DNAJC7: variants seen among roughly 807,000 people sequenced by gnomAD.
DNAJC7 encodes DnaJ heat shock protein family (Hsp40) member C7, also known as dnaJ homolog subfamily C member 7.
DNAJC7 carries 18 observed loss-of-function variants against 67.4 expected under a neutral mutation model. The observed-to-expected ratio is 0.27, with a 90% confidence interval of 0.18 to 0.40. The LOEUF is 0.40. DNAJC7 is among the 10% of genes least tolerant of loss of function. DNAJC7 has a pLI of 1.00. For synonymous variants in DNAJC7, 220 were observed against 207.8 expected (o/e 1.06, Z -0.50); for missense variants, 419 against 613.8 (o/e 0.68, Z 3.35).
chr17:41,984,849 CAG>C (rs2051338389), intron 9 of DNAJC7: 1 of 151,264 alleles, frequency 6.6e-6, no homozygotes, highest in African/African-American at 2.4e-5. Flanking sequence ...TTTTTTGACA[CAG>C]AGTCTCACTC....
intron 1 of DNAJC7, among the ~76,000 whole-genome samples, chr17:42,004,836 G>T (rs1019539351): frequency 1.3e-5 from 2 of 152,188 alleles, no homozygotes; most frequent in South Asian, 2.1e-4. Context: ...GAACAGCCTG[G>T]AAAACACAGG....
chr17:42,000,578 T>A lies in DNAJC7; in HGVS notation c.78-8A>T. The A allele has an allele frequency of 6.3e-7, 1 of 1,597,052 alleles. No individual in the cohort carries two copies. Among genetic ancestry groups the A allele is most frequent in the Non-Finnish European group, 8.6e-7 (1 of 1,168,712 alleles). On this transcript the variant is annotated splice_region_variant and splice_polypyrimidine_tract_variant and intron_variant, in intron 1 of 13. Coordinates refer to ENST00000457167, the MANE Select transcript of DNAJC7 (RefSeq NM_003315.4). ...TTGAAAGTCTCTGCTTCCCTGAAAA[T>A]GAAAGAGAAAGAGAATCATGTTACT...
Position 42,008,760 on chromosome 17 carries a change from T to C in DNAJC7, c.78-8190A>G, listed in dbSNP as rs1270460687. ...CTCACTCTTGTTGCCCAGGCTGGAG[T>C]GCAGTGGTGTGATCTCAGTTCACAG... is the stretch of plus-strand genomic sequence containing the variant. On this transcript the variant is annotated intron_variant, in intron 1 of 13. Coordinates refer to ENST00000457167, the MANE Select transcript of DNAJC7 (RefSeq NM_003315.4). Among the ~76,000 whole-genome samples, 2 of 152,028 alleles carry C rather than the reference T, an allele frequency of 1.3e-5. 1 individual carries two copies. The highest frequency in any genetic ancestry group is 4.1e-4 in the South Asian group (2 of 4,826).
chr17:42,013,413 C>T (rs1555651346), intron 1 of DNAJC7: 1 of 152,096 alleles, frequency 6.6e-6, no homozygotes, highest in Non-Finnish European at 1.5e-5. Context: ...CTCATTTTGC[C>T]CCCCTATGGG....
intron 1 of DNAJC7, among the ~76,000 whole-genome samples, chr17:42,010,456 C>T (rs1193968569): frequency 1.3e-5 from 2 of 152,092 alleles, no homozygotes; most frequent in African/African-American, 4.8e-5. Flanking sequence ...TGCGCCATTG[C>T]ACTCCAGCCT....
intron 1 of DNAJC7, chr17:42,016,867 A>C (rs1390305264): frequency 1.2e-6 from 1 of 847,066 alleles, no homozygotes; most frequent in Admixed American, 5.1e-5. Context: ...ATCACTTCGA[A>C]CCCAGACTAG....
At chr17:41,977,409 A>C in intron 12 of DNAJC7, 86 bp from the exon 13 acceptor site, 1 of 1,249,218 alleles carries the variant, frequency 8.0e-7, no homozygotes, top group Non-Finnish European at 1.1e-6. Context: ...CTGAGAACAG[A>C]TCTCCAAAGC....
chr17:41,997,196 G>A lies in DNAJC7; in HGVS notation c.210C>T (p.Ala70=), dbSNP rs1300165025. Residue 70 remains alanine, a synonymous_variant, in exon 3 of 14, where the codon GCC becomes GCT. Coordinates refer to ENST00000457167, the MANE Select transcript of DNAJC7 (RefSeq NM_003315.4). ...KNASYYGNRA[A]TLMMLGRFRE... is the part of the protein sequence containing the mutation. ...GGAACCTTCCAAGCATCATCAAGGT[G>A]GCTGCTCGATTACCATAATAGCTAG... 2 of 1,613,914 alleles carry A rather than the reference G, an allele frequency of 1.2e-6. No individual in the cohort carries two copies. Among genetic ancestry groups the A allele is most frequent in the Non-Finnish European group, 1.7e-6 (2 of 1,179,848 alleles).
chr17:41,983,678 T>C, intron 9 of DNAJC7, 42 bp from the exon 10 acceptor site: 5 of 1,552,338 alleles, frequency 3.2e-6, no homozygotes, highest in Non-Finnish European at 4.4e-6. Context: ...AAGACATAAA[T>C]AGCAGTGGTT....
At chr17:41,996,975 C>T (rs1163959092) in intron 3 of DNAJC7, 140 bp downstream of exon 3, 1 of 1,326,998 alleles carries the variant, frequency 7.5e-7, no homozygotes, top group Non-Finnish European at 1.0e-6. Context: ...CTAAACAACC[C>T]ACAGTGCACA....
chr17:41,987,918 A>G lies in DNAJC7; in HGVS notation c.919-8T>C. 6.2e-7 allele frequency: 1 copy of G among 1,604,726 alleles called. No homozygotes were observed. The highest frequency in any genetic ancestry group is 1.1e-5 in the South Asian group (1 of 89,702). On this transcript the variant is annotated splice_region_variant and splice_polypyrimidine_tract_variant and intron_variant, in intron 8 of 13. Coordinates refer to ENST00000457167, the MANE Select transcript of DNAJC7 (RefSeq NM_003315.4). ...ATCATCTAGTTTCCTAAGCTTCAGG[A>G]GAGAGAGAGCAATCATACTTCACAC...
intron 5 of DNAJC7, among the ~76,000 whole-genome samples, chr17:41,994,519 C>CA (rs68006925): frequency 0.051 from 1,921 of 37,672 alleles, 178 homozygotes; most frequent in Non-Finnish European, 0.078. Context: ...GACTAGGCCT[C>CA]AAAAAAAAAA....
At chr17:41,983,850 C>G (rs577957039) in intron 9 of DNAJC7, among the ~76,000 whole-genome samples, 38 of 152,308 alleles carry the variant, frequency 2.5e-4, no homozygotes, top group Middle Eastern at 6.8e-3. Flanking sequence ...TGCATCCAAC[C>G]AGCAAAGTGA....
chr17:41,983,689 C>A, intron 9 of DNAJC7, 53 bp from the exon 10 acceptor site: 4 of 1,505,362 alleles, frequency 2.7e-6, no homozygotes, highest in Non-Finnish European at 3.6e-6. Context: ...AGCAGTGGTT[C>A]TCAGGATCAC....
intron 1 of DNAJC7, among the ~76,000 whole-genome samples, chr17:42,008,722 T>C (rs1479050813): frequency 2.0e-5 from 3 of 151,202 alleles, no homozygotes; most frequent in African/African-American, 4.9e-5. Flanking sequence ...ACATATATTT[T>C]TTGAGACAGA....
chr17:42,004,682 C>A (rs782785815), intron 1 of DNAJC7, among the ~76,000 whole-genome samples: 129 of 152,176 alleles, frequency 8.5e-4, no homozygotes, highest in Non-Finnish European at 1.7e-3. Flanking sequence ...GAAGACATCC[C>A]ATTCATGGTC....
At chr17:41,986,528 G>A (rs199671185) in intron 9 of DNAJC7, among the ~76,000 whole-genome samples, 4 of 135,088 alleles carry the variant, frequency 3.0e-5, no homozygotes, top group African/African-American at 8.4e-5. Context: ...TTCTCCCCCC[G>A]CCTTTTTTTT....
At position 41,996,815 on chromosome 17, in the gene DNAJC7, C is replaced by A. The variant is rs149392756; in HGVS notation, c.291+300G>T. Among the ~76,000 whole-genome samples, 21 of 152,220 alleles carry A rather than the reference C, an allele frequency of 1.4e-4. No individual in the cohort carries two copies. The East Asian group carries it at 4.1e-3, about 29-fold the overall frequency. ...AAAACAAACAAACGAACAAAACTAA[C>A]ACAAAATGAAAATGACTACAGCAGT... is the stretch of plus-strand genomic sequence containing the variant. On this transcript the variant is annotated intron_variant, in intron 3 of 13. Coordinates refer to ENST00000457167, the MANE Select transcript of DNAJC7 (RefSeq NM_003315.4).
At chr17:42,012,612 G>A (rs2143359136) in intron 1 of DNAJC7, among the ~76,000 whole-genome samples, 1 of 152,316 alleles carries the variant, frequency 6.6e-6, no homozygotes, top group South Asian at 2.1e-4. Flanking sequence ...CCCATATTAG[G>A]TAAAGCAGTC....
Sources: gnomAD v4.1 joint callset for allele counts (sites outside exome capture counted in the v4.1 genomes callset) on GRCh38, gnomAD v4.1.1 for gene constraint, MANE v1.5 for transcripts, NCBI Gene and HGNC (gene_info 2026-07-23, HGNC 2026-07-21) for gene names.